CD2AP: variants seen among roughly 807,000 people sequenced by gnomAD.
CD2AP encodes the protein CD2-associated protein.
Under a neutral mutation model 85.1 loss-of-function variants are expected in CD2AP, and 46 were observed. That is an observed-to-expected ratio of 0.54 (90% CI 0.43 to 0.69). The LOEUF (loss-of-function observed/expected upper bound fraction) is 0.69, where lower values mean the gene tolerates loss of function less well. Among genes scored for constraint, CD2AP ranks in the 30% least tolerant of loss-of-function variants. The probability of loss-of-function intolerance (pLI) is 0.00; values close to 1 mark genes in which losing one functional copy is unlikely to be tolerated. For missense variants in CD2AP, 769 were observed against 729.5 expected, an observed-to-expected ratio of 1.05 and a Z score of -0.62; for synonymous variants, 255 against 252.9, an observed-to-expected ratio of 1.01 and a Z score of -0.08.
At position 47,478,030 on chromosome 6, in the gene CD2AP, TCGC is replaced by T; in HGVS notation, c.-210_-208del. The T allele has an allele frequency of 1.6e-6, 1 of 628,896 alleles. No individual in the cohort carries two copies. The highest frequency in any genetic ancestry group is 2.8e-6 in the Non-Finnish European group (1 of 359,900). The allele number at this position is 628,896 out of a possible 1,614,324, so 39.0% of individuals were successfully genotyped here. On this transcript the variant is annotated 5_prime_UTR_variant, in exon 1 of 18. Transcript: ENST00000359314. ...TGGGGAGGCCAGGGGTGAGGAGCTG[TCGC>T]CGCCTTTGCCTCTGCCTCGAGGGCC...
intron 2 of CD2AP, among the ~76,000 whole-genome samples, chr6:47,531,762 T>C (rs1766881546): frequency 6.6e-6 from 1 of 152,084 alleles, no homozygotes; most frequent in African/African-American, 2.4e-5. Flanking sequence ...TCTCAAGTAT[T>C]TGAAGTATGT....
intron 13 of CD2AP, among the ~76,000 whole-genome samples, chr6:47,600,904 A>G (rs1196479250): frequency 6.6e-6 from 1 of 151,888 alleles, no homozygotes; most frequent in Non-Finnish European, 1.5e-5. Context: ...AATTTTCACA[A>G]ATTTGGGGGA....
intron 5 of CD2AP, among the ~76,000 whole-genome samples, chr6:47,560,261 T>C (rs1767819439): frequency 6.6e-6 from 1 of 152,198 alleles, no homozygotes; most frequent in South Asian, 2.1e-4. Flanking sequence ...AATGTGTATT[T>C]CCCAAGAATA....
At chr6:47,519,757 G>T (rs1180344778) in intron 2 of CD2AP, among the ~76,000 whole-genome samples, 1 of 152,120 alleles carries the variant, frequency 6.6e-6, no homozygotes, top group African/African-American at 2.4e-5. Flanking sequence ...TATAAAATTA[G>T]TCAACAAATT....
At chr6:47,591,419 C>T (rs527875957) in intron 11 of CD2AP, among the ~76,000 whole-genome samples, 40 of 152,062 alleles carry the variant, frequency 2.6e-4, no homozygotes, top group African/African-American at 8.2e-4. Context: ...GAGATAAATA[C>T]GAATAAATAT....
rs116280299 is a variant in CD2AP at position 47,603,522 on chromosome 6, T to C, written c.1418-2643T>C. On this transcript the variant is annotated intron_variant, in intron 13 of 17. Coordinates refer to ENST00000359314, the MANE Select transcript of CD2AP (RefSeq NM_012120.3). Reference sequence around the variant, plus strand: ...CAGTGAGTAATAAAACAGGACTTTCTGGCTTAATGCATATTGAAATTAATA... The same window carrying C: ...CAGTGAGTAATAAAACAGGACTTTCCGGCTTAATGCATATTGAAATTAATA... 3.6e-3 allele frequency among the ~76,000 whole-genome samples: 541 copies of C among 152,206 alleles called. 2 individuals carry two copies. Among genetic ancestry groups the C allele is most frequent in the African/African-American group, 0.012 (512 of 41,566 alleles).
At chr6:47,561,265 C>G (rs1767854165) in intron 5 of CD2AP, among the ~76,000 whole-genome samples, 1 of 152,136 alleles carries the variant, frequency 6.6e-6, no homozygotes, top group Non-Finnish European at 1.5e-5. Flanking sequence ...ATTGCTCATG[C>G]TTTTTGCAGT....
At chr6:47,529,871 A>G (rs1042339942) in intron 2 of CD2AP, among the ~76,000 whole-genome samples, 3 of 152,164 alleles carry the variant, frequency 2.0e-5, no homozygotes, top group African/African-American at 4.8e-5. Flanking sequence ...TCGCCTTGCT[A>G]TTCTTGAATT....
intron 2 of CD2AP, among the ~76,000 whole-genome samples, chr6:47,512,970 G>A (rs1766358905): frequency 6.6e-6 from 1 of 152,146 alleles, no homozygotes; most frequent in African/African-American, 2.4e-5. Flanking sequence ...TGTTACAAAT[G>A]GGTTTTATAA....
intron 2 of CD2AP, among the ~76,000 whole-genome samples, chr6:47,515,716 C>T (rs1766434919): frequency 6.6e-6 from 1 of 152,072 alleles, no homozygotes; most frequent in South Asian, 2.1e-4. Flanking sequence ...TGAAATTTTC[C>T]AGTAGCATCA....
intron 8 of CD2AP, among the ~76,000 whole-genome samples, chr6:47,577,453 G>A (rs769942368): frequency 1.3e-5 from 2 of 150,882 alleles, no homozygotes; most frequent in African/African-American, 2.4e-5. Context: ...CCTGTCTGTC[G>A]TTTGGAGTGT....
chr6:47,517,282 T>A (rs1020539825), intron 2 of CD2AP, among the ~76,000 whole-genome samples: 1 of 151,026 alleles, frequency 6.6e-6, no homozygotes, highest in Non-Finnish European at 1.5e-5. Flanking sequence ...CCAATTAAAC[T>A]TCTTTTTTTT....
At chr6:47,564,157 A>G (rs1382462602) in intron 5 of CD2AP, among the ~76,000 whole-genome samples, 1 of 152,194 alleles carries the variant, frequency 6.6e-6, no homozygotes, top group Non-Finnish European at 1.5e-5. Flanking sequence ...AACATACATA[A>G]GTACCAAAAA....
intron 5 of CD2AP, among the ~76,000 whole-genome samples, chr6:47,570,600 GCT>G (rs1281553280): frequency 1.9e-5 from 1 of 53,904 alleles, no homozygotes; most frequent in Non-Finnish European, 4.7e-5. Flanking sequence ...TGTGATCAGT[GCT>G]CTCTCTGTCA....
At chr6:47,608,448 T>C (rs1415970200) in intron 15 of CD2AP, among the ~76,000 whole-genome samples, 1 of 152,130 alleles carries the variant, frequency 6.6e-6, no homozygotes, top group African/African-American at 2.4e-5. Context: ...ATGTGTTAGG[T>C]GTCTTGTCAA....
At chr6:47,512,322 G>T (rs1281108976) in intron 2 of CD2AP, among the ~76,000 whole-genome samples, 2 of 152,036 alleles carry the variant, frequency 1.3e-5, no homozygotes, top group African/African-American at 4.8e-5. Context: ...AGCCTGGGTT[G>T]CAGAACGAGA....
chr6:47,553,384 TTG>T (rs1398200365), intron 4 of CD2AP, among the ~76,000 whole-genome samples: 1 of 151,620 alleles, frequency 6.6e-6, no homozygotes, highest in Non-Finnish European at 1.5e-5. Context: ...TCTCACTATG[TTG>T]CCCAGGATGG....
chr6:47,615,775 TAA>T lies in CD2AP; in HGVS notation c.1878+3240_1878+3241del, dbSNP rs1769561554. On this transcript the variant is annotated intron_variant, in intron 17 of 17. Coordinates refer to ENST00000359314, the MANE Select transcript of CD2AP (RefSeq NM_012120.3). ...TGGAGCTGAAATTTAATTTTAATTT[TAA>T]TTTTAATTTAATTTAATTTATTTAT... Among the ~76,000 whole-genome samples the T allele has an allele frequency of 5.8e-5, 7 of 120,954 alleles. No individual in the cohort carries two copies. In the South Asian group the frequency reaches 9.6e-4, roughly 17 times the overall value. The allele number at this position is 120,954 out of a possible 152,430, so 79.4% of individuals were successfully genotyped here.
intron 17 of CD2AP, among the ~76,000 whole-genome samples, chr6:47,615,333 G>A (rs1769547319): frequency 6.6e-6 from 1 of 152,082 alleles, no homozygotes; most frequent in Admixed American, 6.6e-5. Context: ...GATAGTATTA[G>A]GCTACTCTTG....
Sources: gnomAD v4.1 joint callset for allele counts (sites outside exome capture counted in the v4.1 genomes callset) on GRCh38, gnomAD v4.1.1 for gene constraint, MANE v1.5 for transcripts, NCBI Gene and HGNC (gene_info 2026-07-23, HGNC 2026-07-21) for gene names.